The following PTPRD variants were observed in gnomAD, a reference collection of about 807,000 sequenced individuals.
PTPRD encodes the protein receptor-type tyrosine-protein phosphatase delta.
PTPRD carries 34 observed loss-of-function variants against 214.5 expected under a neutral mutation model. The ratio of observed to expected loss-of-function variants is 0.16; its 90% confidence interval spans 0.12 to 0.21. PTPRD has a LOEUF of 0.21. PTPRD is among the 10% of genes least tolerant of loss of function. PTPRD has a pLI of 1.00. For missense variants in PTPRD, 2,545 were observed against 2,398.7 expected (o/e 1.06, Z -1.27); for synonymous variants, 1,128 against 845.7 (o/e 1.33, Z -5.79).
intron 14 of PTPRD, among the ~76,000 whole-genome samples, chr9:8,608,608 C>G (rs2095328406): frequency 6.7e-6 from 1 of 148,698 alleles, no homozygotes; most frequent in Non-Finnish European, 1.5e-5. Context: ...GAATCTGAAT[C>G]TGAATTAACT....
At chr9:9,815,011 C>G (rs1480197951) in intron 5 of PTPRD, among the ~76,000 whole-genome samples, 2 of 151,940 alleles carry the variant, frequency 1.3e-5, no homozygotes, top group African/African-American at 4.8e-5. Flanking sequence ...CTTCACCCAC[C>G]TCAGCCTCCC....
At chr9:10,049,407 A>AAAGAAAGAAAGAAAG (rs1555515115) in intron 3 of PTPRD, among the ~76,000 whole-genome samples, 4 of 115,732 alleles carry the variant, frequency 3.5e-5, no homozygotes, top group South Asian at 5.5e-4. Context: ...TTAAAAAAAA[A>AAAGAAAGAAAGAAAG]AAAGAAAGAA....
At chr9:9,581,270 C>A (rs140728207) in intron 7 of PTPRD, among the ~76,000 whole-genome samples, 1 of 151,996 alleles carries the variant, frequency 6.6e-6, no homozygotes, top group Non-Finnish European at 1.5e-5. Context: ...ATGTCAAATT[C>A]TAGAGTTTTC....
chr9:9,430,868 G>A (rs978562408), intron 8 of PTPRD, among the ~76,000 whole-genome samples: 1 of 152,134 alleles, frequency 6.6e-6, no homozygotes, highest in East Asian at 1.9e-4. Flanking sequence ...AGCTGAAACT[G>A]GATCCCTTCC....
At chr9:9,955,103 C>G (rs1389112136) in intron 4 of PTPRD, among the ~76,000 whole-genome samples, 1 of 152,154 alleles carries the variant, frequency 6.6e-6, no homozygotes, top group African/African-American at 2.4e-5. Flanking sequence ...CTACTCCCAT[C>G]ATATAGTAGG....
intron 9 of PTPRD, among the ~76,000 whole-genome samples, chr9:9,245,124 A>C (rs750756930): frequency 2.6e-5 from 4 of 152,214 alleles, no homozygotes; most frequent in Non-Finnish European, 5.9e-5. Flanking sequence ...AATCATTAAA[A>C]TGTCAGGTAA....
At chr9:9,523,173 C>A (rs1208593819) in intron 8 of PTPRD, among the ~76,000 whole-genome samples, 3 of 151,920 alleles carry the variant, frequency 2.0e-5, no homozygotes, top group African/African-American at 7.3e-5. Flanking sequence ...TTTTTTATTT[C>A]TTGGAGAACA....
At chr9:9,115,602 A>AG (rs1439915741) in intron 10 of PTPRD, among the ~76,000 whole-genome samples, 1 of 152,194 alleles carries the variant, frequency 6.6e-6, no homozygotes, top group African/African-American at 2.4e-5. Context: ...AAGATCTATC[A>AG]TTCAATCTAG....
chr9:9,507,289 GA>G (rs1244355974), intron 8 of PTPRD, among the ~76,000 whole-genome samples: 1 of 151,068 alleles, frequency 6.6e-6, no homozygotes, highest in Non-Finnish European at 1.5e-5. Context: ...CAAAATTGCA[GA>G]AACTGGGATT....
intron 12 of PTPRD, among the ~76,000 whole-genome samples, chr9:8,687,557 G>C (rs989361569): frequency 6.6e-6 from 1 of 152,182 alleles, no homozygotes; most frequent in Non-Finnish European, 1.5e-5. Flanking sequence ...TGTGACTGAA[G>C]TTACAGCCAA....
At chr9:9,114,537 C>A (rs1162417372) in intron 10 of PTPRD, among the ~76,000 whole-genome samples, 1 of 152,078 alleles carries the variant, frequency 6.6e-6, no homozygotes, top group Admixed American at 6.6e-5. Context: ...ACCACATCAA[C>A]ATGAATATTG....
Position 8,319,825 on chromosome 9 carries a change from T to G in PTPRD, c.5670+6A>C, listed in dbSNP as rs1328522221. On this transcript the variant is annotated splice_donor_region_variant and intron_variant, in intron 45 of 45. Transcript: ENST00000381196. ...GAGATGCGAAAAATGCAATGGATTTTCTCACCTCTGTCTGTACCATAGCTG... is the reference window on the plus strand; with the variant it reads ...GAGATGCGAAAAATGCAATGGATTTGCTCACCTCTGTCTGTACCATAGCTG... 3.7e-6 allele frequency: 6 copies of G among 1,611,956 alleles called. No individual in the cohort carries two copies. The highest frequency in any genetic ancestry group is 5.1e-6 in the Non-Finnish European group (6 of 1,179,076).
intron 10 of PTPRD, among the ~76,000 whole-genome samples, chr9:9,171,682 G>C (rs1458226183): frequency 6.6e-6 from 1 of 151,668 alleles, no homozygotes; most frequent in Non-Finnish European, 1.5e-5. Context: ...ATATTGATGA[G>C]GAAAAAACTA....
intron 3 of PTPRD, among the ~76,000 whole-genome samples, chr9:10,224,805 A>G (rs2099583468): frequency 6.6e-6 from 1 of 151,972 alleles, no homozygotes; most frequent in African/African-American, 2.4e-5. Flanking sequence ...GAGGATGAAG[A>G]CCTTTATGAT....
At chr9:9,522,030 G>A (rs894950969) in intron 8 of PTPRD, among the ~76,000 whole-genome samples, 4 of 151,852 alleles carry the variant, frequency 2.6e-5, no homozygotes, top group East Asian at 1.9e-4. Context: ...GGTGGCATAC[G>A]CCTGTAATGC....
At chr9:10,149,966 T>C (rs1375316789) in intron 3 of PTPRD, among the ~76,000 whole-genome samples, 1 of 151,994 alleles carries the variant, frequency 6.6e-6, no homozygotes, top group African/African-American at 2.4e-5. Context: ...CTTGACATCA[T>C]GATCCACCTG....
chr9:9,924,010 A>C (rs1400376513), intron 5 of PTPRD, among the ~76,000 whole-genome samples: 1 of 152,062 alleles, frequency 6.6e-6, no homozygotes, highest in Non-Finnish European at 1.5e-5. Flanking sequence ...TGTATATTTG[A>C]AATTTGAAAT....
intron 6 of PTPRD, among the ~76,000 whole-genome samples, chr9:9,758,667 C>G (rs1456928079): frequency 6.6e-6 from 1 of 152,018 alleles, no homozygotes; most frequent in Non-Finnish European, 1.5e-5. Flanking sequence ...CCAAGACAGA[C>G]AGCAGGGAAG....
chr9:8,756,515 G>C (rs981986284), intron 11 of PTPRD, among the ~76,000 whole-genome samples: 2 of 152,168 alleles, frequency 1.3e-5, no homozygotes, highest in Non-Finnish European at 2.9e-5. Context: ...TGGTATCCAT[G>C]TTAAAGCTGT....
Sources: allele counts gnomAD v4.1 joint callset (sites outside exome capture counted in the v4.1 genomes callset), GRCh38; gene constraint gnomAD v4.1.1; transcripts MANE v1.5; gene names NCBI Gene and HGNC (gene_info 2026-07-23, HGNC 2026-07-21).